Variants in TGFBR3 observed in about 807,000 individuals in gnomAD.
TGFBR3 encodes transforming growth factor beta receptor 3.
A neutral mutation model predicts 87.9 loss-of-function variants in TGFBR3; 46 were observed. That is an observed-to-expected ratio of 0.52 (90% CI 0.41 to 0.67). The LOEUF (loss-of-function observed/expected upper bound fraction) is 0.67, where lower values mean the gene tolerates loss of function less well. TGFBR3 is among the 30% of genes least tolerant of loss of function. The pLI, the probability that TGFBR3 is intolerant of heterozygous loss-of-function variation, is 0.00. For missense variants in TGFBR3, 866 were observed against 1,041.9 expected (o/e 0.83, Z 2.32); for synonymous variants, 381 against 391.6 (o/e 0.97, Z 0.32).
At chr1:91,801,154 G>C (rs1675615690) in intron 2 of TGFBR3, 1 of 172,036 alleles carries the variant, frequency 5.8e-6, no homozygotes, top group Admixed American at 6.0e-5. Flanking sequence ...TGCAATGCTA[G>C]GTGCTGCATA....
At chr1:91,871,510 T>C (rs945006532) in intron 1 of TGFBR3, among the ~76,000 whole-genome samples, 2 of 151,950 alleles carry the variant, frequency 1.3e-5, no homozygotes, top group Non-Finnish European at 2.9e-5. Flanking sequence ...ATAAATAATA[T>C]GTCAAGGCAT....
At position 91,719,438 on chromosome 1, in the gene TGFBR3, G is replaced by T; in HGVS notation, c.1440C>A (p.Val480=). The change falls in exon 10 of 17, where the codon GTC becomes GTA. Residue 480 remains valine (V), a synonymous_variant. Transcript: ENST00000212355. Reference sequence around the variant, plus strand: ...CCTTGCAGGTAGGATCCAACAGGGTGACGTCCATCCCCGAGTAGCCACTGG... The same window carrying T: ...CCTTGCAGGTAGGATCCAACAGGGTTACGTCCATCCCCGAGTAGCCACTGG... ...FQASGYSGMD[V]TLLDPTCKAK... is the part of the protein sequence containing the mutation. 6.2e-7 allele frequency: 1 copy of T among 1,614,142 alleles called. No individual in the cohort carries two copies. Among genetic ancestry groups the T allele is most frequent in the South Asian group, 1.1e-5 (1 of 91,076 alleles).
In TGFBR3 at chr1:91,683,623, G is replaced by C; in HGVS notation, c.*116C>G. On this transcript the variant is annotated 3_prime_UTR_variant, in exon 17 of 17. Transcript: ENST00000212355. ...TGAAATTCACTCTGTCTTTACAAGG[G>C]AACCAAAATCCAGCCCTCTGAGTCT... is the stretch of plus-strand genomic sequence containing the variant. 1.2e-6 allele frequency: 1 copy of C among 840,202 alleles called. No homozygotes were observed. The highest frequency in any genetic ancestry group is 1.9e-6 in the Non-Finnish European group (1 of 519,328). The allele number at this position is 840,202 out of a possible 1,614,324, so 52.0% of individuals were successfully genotyped here. A position where few individuals can be genotyped will look rare whatever the true frequency, so the allele number is the denominator to read the frequency against.
upstream of TGFBR3, chr1:91,886,350 C>T (rs1035839062): frequency 2.8e-6 from 1 of 359,726 alleles, no homozygotes; most frequent in Admixed American, 3.5e-5. Flanking sequence ...GCCTCCGCGG[C>T]TGATGGATGA....
chr1:91,796,069 T>G (rs1235480673), intron 3 of TGFBR3, among the ~76,000 whole-genome samples: 4 of 152,220 alleles, frequency 2.6e-5, no homozygotes, highest in Admixed American at 2.6e-4. Flanking sequence ...ATAAATTCCA[T>G]TCTGCATTAC....
intron 4 of TGFBR3, among the ~76,000 whole-genome samples, chr1:91,752,817 GT>G (rs1455717234): frequency 6.6e-6 from 1 of 151,798 alleles, no homozygotes; most frequent in Non-Finnish European, 1.5e-5. Flanking sequence ...CAGCCCAAGA[GT>G]TTAAGACCAG....
At chr1:91,703,330 C>G (rs1671686575) in intron 14 of TGFBR3, among the ~76,000 whole-genome samples, 1 of 152,182 alleles carries the variant, frequency 6.6e-6, no homozygotes, top group African/African-American at 2.4e-5. Context: ...TCAACCCTCC[C>G]TTCCCAAAAA....
chr1:91,788,835 T>C (rs1184470239), intron 3 of TGFBR3, among the ~76,000 whole-genome samples: 3 of 152,114 alleles, frequency 2.0e-5, no homozygotes. Flanking sequence ...ATGCAGAGAG[T>C]GCTCTTGTAA....
At chr1:91,765,958 CTTTTTG>C (rs1450865049) in intron 3 of TGFBR3, among the ~76,000 whole-genome samples, 1 of 152,110 alleles carries the variant, frequency 6.6e-6, no homozygotes, top group Non-Finnish European at 1.5e-5. Flanking sequence ...ATTCAGATCA[CTTTTTG>C]TTTTTAACAC....
At chr1:91,684,301 G>A (rs1247526189) in intron 16 of TGFBR3, among the ~76,000 whole-genome samples, 1 of 152,202 alleles carries the variant, frequency 6.6e-6, no homozygotes, top group African/African-American at 2.4e-5. Flanking sequence ...AGAGAACCCT[G>A]GAAGTTTGGG....
intron 2 of TGFBR3, among the ~76,000 whole-genome samples, chr1:91,822,341 C>A (rs1481107679): frequency 6.9e-6 from 1 of 144,084 alleles, no homozygotes; most frequent in East Asian, 2.1e-4. Context: ...CTTAGTGTGA[C>A]CTTCCCAAAC....
At chr1:91,716,445 A>G in intron 11 of TGFBR3, 51 bp from the exon 12 acceptor site, 1 of 1,614,064 alleles carries the variant, frequency 6.2e-7, no homozygotes, top group South Asian at 1.1e-5. Context: ...TGAAGGATGA[A>G]GGCCCTGTAG....
In TGFBR3 at chr1:91,716,247, C is replaced by T. The variant is rs1010808345; in HGVS notation, c.1855G>A (p.Val619Ile). The T allele has an allele frequency of 1.2e-5, 19 of 1,613,978 alleles. No homozygotes were observed. Among genetic ancestry groups the T allele is most frequent in the Middle Eastern group, 3.3e-4 (2 of 6,078 alleles). The change falls in exon 12 of 17, where the codon GTT becomes ATT. Residue 619 changes from valine (V) to isoleucine (I), a missense_variant. By Grantham distance (29) the Val-to-Ile change is conservative. Transcript: ENST00000212355. Reference protein sequence around the residue: ...GVFSVPENGHVYVEVSVTKAE... With the variant: ...GVFSVPENGHIYVEVSVTKAE... ...CTTTCAGGTCTCACCTCAACATAAA[C>T]GTGTCCATTCTCTGGCACAGAGAAG...
At chr1:91,836,734 A>G (rs1388357318) in intron 2 of TGFBR3, among the ~76,000 whole-genome samples, 1 of 152,094 alleles carries the variant, frequency 6.6e-6, no homozygotes, top group Non-Finnish European at 1.5e-5. Context: ...TCAGCTTCCA[A>G]ATCTTATTTC....
At position 91,716,585 on chromosome 1, in the gene TGFBR3, G is replaced by A. The variant is rs773291941; in HGVS notation, c.1690C>T (p.Arg564Ter). The A allele has an allele frequency of 5.0e-6, 8 of 1,614,022 alleles. No homozygotes were observed. Among genetic ancestry groups the A allele is most frequent in the Non-Finnish European group, 6.8e-6 (8 of 1,180,022 alleles). ...MDEGDASLFT[R>*]PEIVVFNCSL... ...ACACATACCACCACGATTTCAGGTC[G>A]GGTGAACAGGGAAGCATCTCCTTCA... Residue 564 changes from arginine (R) to a stop codon, truncating the protein, a stop_gained, in exon 11 of 17, where the codon CGA (arginine) becomes TGA (stop). Transcript: ENST00000212355. LOFTEE classifies it high-confidence loss of function.
At chr1:91,729,665 C>T in intron 6 of TGFBR3, 140 bp downstream of exon 6, 2 of 961,308 alleles carry the variant, frequency 2.1e-6, no homozygotes, top group Non-Finnish European at 3.3e-6. Context: ...GGCTACCTTC[C>T]CTCCTGCGTG....
At chr1:91,694,640 T>G (rs1396510464) in intron 16 of TGFBR3, among the ~76,000 whole-genome samples, 1 of 152,238 alleles carries the variant, frequency 6.6e-6, no homozygotes, top group Non-Finnish European at 1.5e-5. Flanking sequence ...CCTCTTTAAA[T>G]CAGCCATCCT....
chr1:91,705,853 G>T (rs1030591829), intron 14 of TGFBR3, among the ~76,000 whole-genome samples: 3 of 152,112 alleles, frequency 2.0e-5, no homozygotes, highest in African/African-American at 7.2e-5. Context: ...AAATTGCTTT[G>T]ATATTTGGTA....
At chr1:91,718,156 G>A (rs948697322) in intron 10 of TGFBR3, among the ~76,000 whole-genome samples, 10 of 152,152 alleles carry the variant, frequency 6.6e-5, no homozygotes, top group African/African-American at 1.7e-4. Flanking sequence ...GGATTCAGTC[G>A]TCCTGGCTCT....
Sources: gnomAD v4.1 joint callset for allele counts (sites outside exome capture counted in the v4.1 genomes callset) on GRCh38, gnomAD v4.1.1 for gene constraint, MANE v1.5 for transcripts, NCBI Gene and HGNC (gene_info 2026-07-23, HGNC 2026-07-21) for gene names.